PSG6: variants seen among roughly 807,000 people sequenced by gnomAD.
PSG6 encodes pregnancy-specific beta-1-glycoprotein 6.
PSG6 carries 51 observed loss-of-function variants against 43.3 expected under a neutral mutation model. That is an observed-to-expected ratio of 1.18 (90% CI 0.94 to 1.49). The LOEUF (loss-of-function observed/expected upper bound fraction) is 1.49, where lower values mean the gene tolerates loss of function less well. Ranked by LOEUF, PSG6 falls within the 40% of genes most tolerant of loss-of-function variation. PSG6 has a pLI of 0.00. For synonymous variants in PSG6, 292 were observed against 197.6 expected (o/e 1.48, Z -4.01); for missense variants, 770 against 522.2 (o/e 1.47, Z -4.62).
chr19:42,905,486 G>C (rs1218272578), intron 5 of PSG6, among the ~76,000 whole-genome samples: 1 of 151,686 alleles, frequency 6.6e-6, no homozygotes, highest in Non-Finnish European at 1.5e-5. Context: ...AATGGGAAAT[G>C]TTATAGCCAA....
chr19:42,906,636 CCTT>C, intron 5 of PSG6: 3 of 1,383,624 alleles, frequency 2.2e-6, no homozygotes, highest in Non-Finnish European at 1.9e-6. Flanking sequence ...TGAGGACTCT[CCTT>C]CTTGTCCCTC....
At position 42,908,061 on chromosome 19, in the gene PSG6, T is replaced by A. The variant is rs1183289079; in HGVS notation, c.707-207A>T. On this transcript the variant is annotated intron_variant, in intron 3 of 5. Coordinates refer to ENST00000187910, the MANE Select transcript of PSG6 (RefSeq NM_001031850.4). Reference sequence around the variant, plus strand: ...GCTCTGTCTTAGGGAAGCACAGACTTTCTCAAGTGTCAATTGAGCAGCAGT... The same window carrying A: ...GCTCTGTCTTAGGGAAGCACAGACTATCTCAAGTGTCAATTGAGCAGCAGT... 6.9e-6 allele frequency: 6 copies of A among 871,198 alleles called. No homozygotes were observed. The African/African-American group carries it at 1.0e-4, about 15-fold the overall frequency. 54.0% of individuals were successfully genotyped at this position (871,198 alleles called of 1,614,324 possible). A position where few individuals can be genotyped will look rare whatever the true frequency, so the allele number is the denominator to read the frequency against.
intron 2 of PSG6, among the ~76,000 whole-genome samples, 161 bp from the exon 3 acceptor site, chr19:42,911,019 G>A (rs1210655403): frequency 6.6e-6 from 1 of 151,548 alleles, no homozygotes; most frequent in Non-Finnish European, 1.5e-5. Context: ...GGCAACCTGA[G>A]GGCTCAGTGA....
At position 42,910,817 on chromosome 19, in the gene PSG6, G is replaced by C. The variant is rs748349221; in HGVS notation, c.469C>G (p.Pro157Ala). The change falls in exon 3 of 6, where the codon CCC becomes GCC. Residue 157 changes from proline (P) to alanine (A), a missense_variant. Coordinates refer to ENST00000187910, the MANE Select transcript of PSG6 (RefSeq NM_001031850.4). ...CGCACAGCCTCCATGACCTCCCTGG[G>C]GTTTAAGTTGCTGCTGGAGATGGAG... Reference protein sequence around the residue: ...KPSISSSNLNPREVMEAVRLI... With the variant: ...KPSISSSNLNAREVMEAVRLI... 62 of 1,611,830 alleles carry C rather than the reference G, an allele frequency of 3.8e-5. No homozygotes were observed. Among genetic ancestry groups the C allele is most frequent in the Admixed American group, 6.7e-5 (4 of 59,836 alleles).
intron 2 of PSG6, chr19:42,915,252 C>A (rs948059289): frequency 2.6e-5 from 4 of 151,322 alleles, no homozygotes; most frequent in Non-Finnish European, 5.9e-5. Flanking sequence ...TGGACTGTGG[C>A]TTTTCATGCT....
At position 42,907,605 on chromosome 19, in the gene PSG6, C is replaced by G; in HGVS notation, c.956G>C (p.Arg319Pro). ...GACATTCAGGGTGACTGGGTTACTG[C>G]GGATGCCACCATATCGGTCCCGTAT... is the stretch of plus-strand genomic sequence containing the variant. ...CEIRDRYGGI[R>P]SNPVTLNVLY... The change falls in exon 4 of 6, where the codon CGC becomes CCC. Residue 319 changes from arginine (R) to proline (P), a missense_variant. Coordinates refer to ENST00000187910, the MANE Select transcript of PSG6 (RefSeq NM_001031850.4). The G allele has an allele frequency of 1.9e-6, 3 of 1,612,006 alleles. No individual in the cohort carries two copies. The highest frequency in any genetic ancestry group is 2.5e-6 in the Non-Finnish European group (3 of 1,179,116).
rs915720175 is a variant in PSG6 at position 42,911,671 on chromosome 19, G to A, written c.428-813C>T. On this transcript the variant is annotated intron_variant, in intron 2 of 5. Coordinates refer to ENST00000187910, the MANE Select transcript of PSG6 (RefSeq NM_001031850.4). Reference sequence around the variant, plus strand: ...GAAATACATGTTGATGTTTGCAAATGCAGAACTGACTGGTGGAAAGGGCAA... The same window carrying A: ...GAAATACATGTTGATGTTTGCAAATACAGAACTGACTGGTGGAAAGGGCAA... 2.9e-4 allele frequency among the ~76,000 whole-genome samples: 44 copies of A among 151,914 alleles called. 1 individual carries two copies. The highest frequency in any genetic ancestry group is 2.1e-4 in the South Asian group (1 of 4,748).
chr19:42,904,927 A>G (rs1600538525), intron 5 of PSG6, among the ~76,000 whole-genome samples: 1 of 151,722 alleles, frequency 6.6e-6, no homozygotes, highest in African/African-American at 2.4e-5. Context: ...TGGTACTGGC[A>G]TAAAGGAGGA....
intron 2 of PSG6, chr19:42,915,843 G>A (rs954767674): frequency 2.7e-5 from 15 of 554,098 alleles, no homozygotes; most frequent in African/African-American, 2.3e-4. Context: ...TTATGAAGAG[G>A]GCATGAGGTG....
intron 3 of PSG6, among the ~76,000 whole-genome samples, chr19:42,908,172 C>T (rs1254414652): frequency 6.6e-6 from 1 of 151,626 alleles, no homozygotes; most frequent in African/African-American, 2.4e-5. Context: ...CTGGCTGGCT[C>T]ACCCTGGGTT....
chr19:42,914,775 GTC>G (rs1972293524), intron 2 of PSG6, among the ~76,000 whole-genome samples: 1 of 151,626 alleles, frequency 6.6e-6, no homozygotes, highest in South Asian at 2.1e-4. Flanking sequence ...TCCTGAGTGT[GTC>G]TCTCTCACTG....
In PSG6 at chr19:42,903,606, G is replaced by C. The variant is rs773628663; in HGVS notation, c.1241-1160C>G. The C allele has an allele frequency of 5.7e-6, 8 of 1,407,410 alleles. 1 individual carries two copies. In the South Asian group the frequency reaches 1.2e-4, roughly 20 times the overall value. 87.2% of individuals were successfully genotyped at this position (1,407,410 alleles called of 1,614,324 possible). ...AATTACTCAAATCATAAATGAAAAT[G>C]GACTCTGAGCATGGTGGGTCATGTT... On this transcript the variant is annotated intron_variant, in intron 5 of 5. Transcript: ENST00000187910.
At chr19:42,908,180 G>A (rs540673426) in intron 3 of PSG6, among the ~76,000 whole-genome samples, 14 of 151,568 alleles carry the variant, frequency 9.2e-5, no homozygotes, top group African/African-American at 3.4e-4. Context: ...CTCACCCTGG[G>A]TTCCTTACCT....
chr19:42,914,310 A>C (rs1972281783), intron 2 of PSG6, among the ~76,000 whole-genome samples: 1 of 151,394 alleles, frequency 6.6e-6, no homozygotes, highest in African/African-American at 2.4e-5. Context: ...GTTAGCGGGA[A>C]GGGAACAGAA....
intron 3 of PSG6, among the ~76,000 whole-genome samples, chr19:42,908,964 G>C (rs1457199162): frequency 2.0e-5 from 3 of 151,596 alleles, no homozygotes; most frequent in Non-Finnish European, 2.9e-5. Flanking sequence ...AGAGGTTCTA[G>C]AGATCTGCTG....
intron 2 of PSG6, among the ~76,000 whole-genome samples, chr19:42,915,128 G>A (rs1221593100): frequency 2.0e-5 from 3 of 151,494 alleles, no homozygotes; most frequent in African/African-American, 4.8e-5. Flanking sequence ...GCCTGTGGCT[G>A]CAGACAGACC....
Position 42,907,008 on chromosome 19 carries a change from G to C in PSG6, c.1154C>G (p.Thr385Arg), listed in dbSNP as rs140788501. 46 of 1,612,356 alleles carry C rather than the reference G, an allele frequency of 2.9e-5. 1 individual carries two copies. The highest frequency in any genetic ancestry group is 2.5e-4 in the African/African-American group (19 of 74,710). The change falls in exon 5 of 6, where the codon ACA becomes AGA. Residue 385 changes from threonine (T) to arginine (R), a missense_variant. Coordinates refer to ENST00000187910, the MANE Select transcript of PSG6 (RefSeq NM_001031850.4). ...GCAAGCATAGAGCCCGCTATGATTT[G>C]TAGTAATTTGGGGGATAAAGAGCTT... ...GQKLFIPQIT[T>R]NHSGLYACSV... is the part of the protein sequence containing the mutation.
Position 42,906,998 on chromosome 19 carries a change from G to C in PSG6, c.1164C>G (p.Ser388Arg). ...LFIPQITTNH[S>R]GLYACSVRNS... ...TACGAACAGAGCAAGCATAGAGCCC[G>C]CTATGATTTGTAGTAATTTGGGGGA... The change falls in exon 5 of 6, where the codon AGC becomes AGG. Residue 388 changes from serine (S) to arginine (R), a missense_variant. Coordinates refer to ENST00000187910, the MANE Select transcript of PSG6 (RefSeq NM_001031850.4). 3 of 1,612,374 alleles carry C rather than the reference G, an allele frequency of 1.9e-6. No individual in the cohort carries two copies. The highest frequency in any genetic ancestry group is 1.1e-5 in the South Asian group (1 of 90,842).
chr19:42,907,107 G>A lies in PSG6; in HGVS notation c.1055C>T (p.Ser352Phe), dbSNP rs778346658. ...YYRSGENLDL[S>F]CFADSNPPAE... is the part of the protein sequence containing the mutation. ...CGGTGGGTTAGAGTCCGCAAAGCAG[G>A]ACAAGTCGAGGTTTTCTCCTGAACG... The change falls in exon 5 of 6, where the codon TCC becomes TTC. Residue 352 changes from serine (S) to phenylalanine (F), a missense_variant. Transcript: ENST00000187910. 3 of 1,612,770 alleles carry A rather than the reference G, an allele frequency of 1.9e-6. No homozygotes were observed. The South Asian group carries it at 3.3e-5, about 18-fold the overall frequency.
Sources: allele counts gnomAD v4.1 joint callset (sites outside exome capture counted in the v4.1 genomes callset), GRCh38; gene constraint gnomAD v4.1.1; transcripts MANE v1.5; gene names NCBI Gene and HGNC (gene_info 2026-07-23, HGNC 2026-07-21).